The following IARS2 variants were observed in gnomAD, a reference collection of about 807,000 sequenced individuals.
The protein encoded by IARS2 is isoleucyl-tRNA synthetase 2, mitochondrial, also known as isoleucine--tRNA ligase, mitochondrial.
In IARS2, 56 loss-of-function variants were observed where a neutral mutation model predicts 126.3. The observed-to-expected ratio is 0.44, with a 90% CI of 0.36 to 0.55. The LOEUF (loss-of-function observed/expected upper bound fraction) is 0.55, where lower values mean the gene tolerates loss of function less well. Ranked by LOEUF, IARS2 falls within the 20% of genes least tolerant of loss-of-function variation. The pLI, the probability that IARS2 is intolerant of heterozygous loss-of-function variation, is 0.00. For missense variants in IARS2, 1,127 were observed against 1,245.9 expected, an observed-to-expected ratio of 0.90 and a Z score of 1.44; for synonymous variants, 407 against 441.1, an observed-to-expected ratio of 0.92 and a Z score of 0.97.
At chr1:220,116,977 C>T (rs1244749439) in intron 12 of IARS2, among the ~76,000 whole-genome samples, 2 of 151,896 alleles carry the variant, frequency 1.3e-5, no homozygotes, top group East Asian at 3.9e-4. Flanking sequence ...AACTCCTGGC[C>T]ACAAAGGATC....
intron 19 of IARS2, 92 bp from the exon 20 acceptor site, chr1:220,141,711 A>G (rs1657495484): frequency 8.2e-7 from 1 of 1,224,466 alleles, no homozygotes; most frequent in Non-Finnish European, 1.2e-6. Flanking sequence ...AGGATTAGCC[A>G]CTAGGAATAA....
chr1:220,128,910 T>C (rs1657205863), intron 14 of IARS2, among the ~76,000 whole-genome samples: 1 of 151,976 alleles, frequency 6.6e-6, no homozygotes, highest in Non-Finnish European at 1.5e-5. Flanking sequence ...TGTGATTTTT[T>C]TTTTTTTTCG....
chr1:220,123,267 A>C (rs1013864262), intron 12 of IARS2, among the ~76,000 whole-genome samples: 5 of 152,178 alleles, frequency 3.3e-5, no homozygotes, highest in African/African-American at 1.2e-4. Flanking sequence ...ATAACATAAA[A>C]GTTTATCTTT....
At chr1:220,134,223 T>A (rs1033589027) in intron 14 of IARS2, among the ~76,000 whole-genome samples, 179 bp from the exon 15 acceptor site, 3 of 152,224 alleles carry the variant, frequency 2.0e-5, no homozygotes, top group African/African-American at 7.2e-5. Context: ...TCTGTCCCAT[T>A]ACTACTGGTG....
chr1:220,097,167 C>T (rs1465306913), intron 2 of IARS2, among the ~76,000 whole-genome samples: 2 of 151,972 alleles, frequency 1.3e-5, no homozygotes, highest in East Asian at 3.9e-4. Context: ...AGAGAATTTA[C>T]TGGCTTTTTT....
Position 220,141,794 on chromosome 1 carries a change from C to G in IARS2, c.2415-9C>G. On this transcript the variant is annotated splice_polypyrimidine_tract_variant and intron_variant, in intron 19 of 22. Transcript: ENST00000366922. The stretch of plus-strand genomic sequence containing the variant: ...ATTGTCAACTGCTGAATAAGTTGTT[C>G]TTGTTCAGGCTCTATTGTGAAAAGG... The G allele has an allele frequency of 1.2e-6, 2 of 1,613,340 alleles. No homozygotes were observed. Among genetic ancestry groups the G allele is most frequent in the Non-Finnish European group, 1.7e-6 (2 of 1,179,624 alleles).
At chr1:220,106,387 C>T (rs1446930899) in intron 9 of IARS2, among the ~76,000 whole-genome samples, 2 of 152,116 alleles carry the variant, frequency 1.3e-5, no homozygotes, top group African/African-American at 4.8e-5. Flanking sequence ...GTCCTTTCTA[C>T]ATTTACTTTA....
At chr1:220,133,435 G>A (rs557825255) in intron 14 of IARS2, among the ~76,000 whole-genome samples, 59 of 152,278 alleles carry the variant, frequency 3.9e-4, no homozygotes, top group Non-Finnish European at 5.3e-4. Context: ...TAATATTGGT[G>A]CAATTGAATT....
intron 12 of IARS2, among the ~76,000 whole-genome samples, chr1:220,122,684 C>T (rs913125439): frequency 1.3e-5 from 2 of 152,010 alleles, no homozygotes; most frequent in African/African-American, 4.8e-5. Flanking sequence ...TAAAGTGCTT[C>T]GAAAAAGATA....
In IARS2 at chr1:220,094,144, T is replaced by G. The variant is rs2102813999; in HGVS notation, c.-73T>G. The stretch of plus-strand genomic sequence containing the variant: ...CGTGCGCCCTCTTACTCGGCTCCCC[T>G]TGGTTTCCTGGGGTCCTGCCCCTTC... On this transcript the variant is annotated 5_prime_UTR_variant, in exon 1 of 23. Transcript: ENST00000366922. The G allele has an allele frequency of 8.5e-7, 1 of 1,173,646 alleles. No homozygotes were observed. Among genetic ancestry groups the G allele is most frequent in the Non-Finnish European group, 1.1e-6 (1 of 928,216 alleles). 72.7% of individuals were successfully genotyped at this position (1,173,646 alleles called of 1,614,324 possible).
chr1:220,101,528 C>T (rs992180038), intron 3 of IARS2, among the ~76,000 whole-genome samples: 15 of 151,698 alleles, frequency 9.9e-5, no homozygotes, highest in African/African-American at 3.6e-4. Context: ...GGCAAAACCC[C>T]GTATCTACTA....
intron 16 of IARS2, among the ~76,000 whole-genome samples, 181 bp downstream of exon 16, chr1:220,137,092 C>T (rs1288696805): frequency 1.3e-5 from 2 of 152,150 alleles, no homozygotes; most frequent in Admixed American, 6.5e-5. Flanking sequence ...TTATTTCAGG[C>T]CTGACTCTCC....
chr1:220,094,157 G>T lies in IARS2; in HGVS notation c.-60G>T. ...ACTCGGCTCCCCTTGGTTTCCTGGGGTCCTGCCCCTTCAAGCTGGGGCGGG... is the reference window on the plus strand; with the variant it reads ...ACTCGGCTCCCCTTGGTTTCCTGGGTTCCTGCCCCTTCAAGCTGGGGCGGG... On this transcript the variant is annotated 5_prime_UTR_variant, in exon 1 of 23. Coordinates refer to ENST00000366922, the MANE Select transcript of IARS2 (RefSeq NM_018060.4). The T allele has an allele frequency of 1.4e-6, 2 of 1,475,950 alleles. No homozygotes were observed. The highest frequency in any genetic ancestry group is 2.4e-5 in the East Asian group (1 of 41,276). 91.4% of individuals were successfully genotyped at this position (1,475,950 alleles called of 1,614,324 possible). A position where few individuals can be genotyped will look rare whatever the true frequency, so the allele number is the denominator to read the frequency against.
chr1:220,132,426 C>T (rs1419075452), intron 14 of IARS2, among the ~76,000 whole-genome samples: 3 of 151,910 alleles, frequency 2.0e-5, no homozygotes, highest in Non-Finnish European at 1.5e-5. Context: ...TTATCCATTT[C>T]CTCCAGGTTT....
At chr1:220,101,765 C>CG (rs1656577940) in intron 3 of IARS2, among the ~76,000 whole-genome samples, 1 of 152,154 alleles carries the variant, frequency 6.6e-6, no homozygotes, top group African/African-American at 2.4e-5. Context: ...CTTTGGGAGG[C>CG]TGAGGCGGGT....
At chr1:220,119,916 C>G (rs1463026134) in intron 12 of IARS2, among the ~76,000 whole-genome samples, 1 of 152,008 alleles carries the variant, frequency 6.6e-6, no homozygotes, top group South Asian at 2.1e-4. Context: ...CTTTTGAGCA[C>G]TTGTTCACAG....
At chr1:220,100,425 C>T (rs1225625104) in intron 2 of IARS2, 65 bp from the exon 3 acceptor site, 3 of 1,278,760 alleles carry the variant, frequency 2.3e-6, no homozygotes, top group Non-Finnish European at 2.2e-6. Flanking sequence ...TTTATCTTTG[C>T]AGATTTTGAA....
At position 220,105,853 on chromosome 1, in the gene IARS2, A is replaced by G. The variant is rs757599257; in HGVS notation, c.1067-38A>G. Reference sequence around the variant, plus strand: ...AAGCTTAAGGAGATAGATTTGCCATATAAAATGATTCTTAATAGTGGTTTT... The same window carrying G: ...AAGCTTAAGGAGATAGATTTGCCATGTAAAATGATTCTTAATAGTGGTTTT... On this transcript the variant is annotated intron_variant, in intron 8 of 22. Transcript: ENST00000366922. The G allele has an allele frequency of 5.7e-6, 9 of 1,572,960 alleles. 1 individual carries two copies. In the South Asian group the frequency reaches 1.0e-4, roughly 17 times the overall value.
Position 220,110,812 on chromosome 1 carries a change from A to C in IARS2, c.1354A>C (p.Asn452His), listed in dbSNP as rs1656785963. The change falls in exon 11 of 23, where the codon AAT (asparagine) becomes CAT (histidine). Residue 452 changes from asparagine (N) to histidine (H), a missense_variant. By Grantham distance (68) the Asn-to-His change is moderately conservative. Transcript: ENST00000366922. ...VVIKMLQTAK[N>H]LLKEEKLVHS... Reference sequence around the variant, plus strand: ...TATAAAGATGCTTCAGACTGCAAAGAATTTGTTGAAAGAGGAGAAATTGGT... The same window carrying C: ...TATAAAGATGCTTCAGACTGCAAAGCATTTGTTGAAAGAGGAGAAATTGGT... The C allele has an allele frequency of 6.2e-7, 1 of 1,610,778 alleles. No individual in the cohort carries two copies. Among genetic ancestry groups the C allele is most frequent in the African/African-American group, 1.3e-5 (1 of 74,760 alleles).
Sources: gnomAD v4.1 joint callset for allele counts (sites outside exome capture counted in the v4.1 genomes callset) on GRCh38, gnomAD v4.1.1 for gene constraint, MANE v1.5 for transcripts, NCBI Gene and HGNC (gene_info 2026-07-23, HGNC 2026-07-21) for gene names.